The following ANKFN1 variants were observed in gnomAD, a reference collection of about 807,000 sequenced individuals.
ANKFN1 encodes ankyrin repeat and fibronectin type-III domain-containing protein 1.
A neutral mutation model predicts 108.7 loss-of-function variants in ANKFN1; 74 were observed. The observed-to-expected ratio is 0.68, with a 90% CI of 0.56 to 0.83. The LOEUF (loss-of-function observed/expected upper bound fraction) is 0.83, where lower values mean the gene tolerates loss of function less well. Ranked by LOEUF, ANKFN1 falls within the 40% of genes least tolerant of loss-of-function variation. The pLI, the probability that ANKFN1 is intolerant of heterozygous loss-of-function variation, is 0.00. For synonymous variants in ANKFN1, 547 were observed against 516.2 expected (o/e 1.06, Z -0.81); for missense variants, 1,505 against 1,382.3 (o/e 1.09, Z -1.41).
chr17:56,167,591 T>C (rs1413399347), intron 1 of ANKFN1, among the ~76,000 whole-genome samples: 1 of 152,010 alleles, frequency 6.6e-6, no homozygotes, highest in African/African-American at 2.4e-5. Context: ...ACCTTCATTG[T>C]GTATATTCAA....
chr17:56,140,751 A>G (rs1417189344), intron 4 of ANKFN1, among the ~76,000 whole-genome samples: 1 of 152,218 alleles, frequency 6.6e-6, no homozygotes, highest in Non-Finnish European at 1.5e-5. Context: ...TATATAACAC[A>G]TTAAATAAAT....
At chr17:56,381,589 A>G (rs1355645316) in intron 8 of ANKFN1, among the ~76,000 whole-genome samples, 1 of 152,252 alleles carries the variant, frequency 6.6e-6, no homozygotes, top group Non-Finnish European at 1.5e-5. Flanking sequence ...GGAATTGCTT[A>G]AAGGAGCTGA....
chr17:56,090,084 CTG>C (rs925556942), intron 4 of ANKFN1, among the ~76,000 whole-genome samples: 2 of 151,210 alleles, frequency 1.3e-5, no homozygotes, highest in African/African-American at 4.9e-5. Context: ...GAGGGAAGAA[CTG>C]TTGTAGGAAA....
intron 3 of ANKFN1, among the ~76,000 whole-genome samples, chr17:56,247,430 A>C (rs1918037940): frequency 6.6e-6 from 1 of 152,206 alleles, no homozygotes; most frequent in Admixed American, 6.5e-5. Context: ...CCCTAGGTAA[A>C]AACAAACAAA....
intron 6 of ANKFN1, among the ~76,000 whole-genome samples, chr17:56,363,179 G>A (rs1168126464): frequency 6.6e-6 from 1 of 151,896 alleles, no homozygotes; most frequent in Admixed American, 6.6e-5. Flanking sequence ...GGCCGAGATC[G>A]CACCACAGCA....
At chr17:56,396,438 A>G (rs1378287278) in intron 8 of ANKFN1, among the ~76,000 whole-genome samples, 1 of 152,158 alleles carries the variant, frequency 6.6e-6, no homozygotes, top group Non-Finnish European at 1.5e-5. Context: ...ACAGAGCTAG[A>G]CTTCGTCTGC....
At chr17:56,212,130 A>G (rs117215597) in intron 1 of ANKFN1, among the ~76,000 whole-genome samples, 6,266 of 151,568 alleles carry the variant, frequency 0.041, 143 homozygotes, top group Middle Eastern at 0.072. Context: ...TTCTCGGGGG[A>G]ATGCTTTCAA....
intron 1 of ANKFN1, among the ~76,000 whole-genome samples, chr17:56,179,936 A>C (rs950584616): frequency 6.6e-6 from 1 of 152,198 alleles, no homozygotes. Context: ...AAACCAGTAG[A>C]TTGAGCTCAT....
chr17:56,153,362 G>T (rs1908784210), upstream of ANKFN1: 9 of 952,092 alleles, frequency 9.5e-6, no homozygotes, highest in Non-Finnish European at 1.5e-5. Flanking sequence ...CACTCCTGGA[G>T]CCAAGCCGTG....
At chr17:56,390,703 C>T (rs545305516) in intron 8 of ANKFN1, among the ~76,000 whole-genome samples, 1 of 152,280 alleles carries the variant, frequency 6.6e-6, no homozygotes, top group African/African-American at 2.4e-5. Context: ...TCCTCACCAG[C>T]ATCTGTTGTT....
At chr17:56,183,449 G>T (rs1171922832) in intron 1 of ANKFN1, among the ~76,000 whole-genome samples, 1 of 152,146 alleles carries the variant, frequency 6.6e-6, no homozygotes, top group Non-Finnish European at 1.5e-5. Context: ...GGAGGTGATT[G>T]GATCATGCGG....
At chr17:56,350,377 C>T (rs1467202654) in intron 4 of ANKFN1, among the ~76,000 whole-genome samples, 1 of 152,080 alleles carries the variant, frequency 6.6e-6, no homozygotes, top group Non-Finnish European at 1.5e-5. Context: ...GTAGAAAAGT[C>T]CCAATTATAT....
At chr17:56,446,389 A>C in intron 10 of ANKFN1, among the ~76,000 whole-genome samples, 1 of 152,168 alleles carries the variant, frequency 6.6e-6, no homozygotes, top group East Asian at 1.9e-4. Context: ...GGCCTTTGGG[A>C]ATCTATGACA....
chr17:56,340,950 T>C (rs1015488908), intron 4 of ANKFN1, among the ~76,000 whole-genome samples: 7 of 152,188 alleles, frequency 4.6e-5, no homozygotes, highest in African/African-American at 1.4e-4. Flanking sequence ...GGAATGTTTT[T>C]CCATTTGTTT....
In ANKFN1 at chr17:56,124,814, G is replaced by A. The variant is rs369405334; in HGVS notation, c.288+78489G>A. Among the ~76,000 whole-genome samples, 237 of 152,298 alleles carry A rather than the reference G, an allele frequency of 1.6e-3. 2 individuals carry two copies. Among genetic ancestry groups the A allele is most frequent in the African/African-American group, 5.5e-3 (228 of 41,562 alleles). Reference sequence around the variant, plus strand: ...TTGCCATTACCAATCACACCCTCAAGGGGCCAGCCCTTTTCTCCCCATATT... The same window carrying A: ...TTGCCATTACCAATCACACCCTCAAAGGGCCAGCCCTTTTCTCCCCATATT... On this transcript the variant is annotated intron_variant, in intron 4 of 12. Transcript: ENST00000635860.
intron 2 of ANKFN1, among the ~76,000 whole-genome samples, chr17:56,221,819 T>C (rs1051911015): frequency 6.6e-6 from 1 of 152,168 alleles, no homozygotes; most frequent in Non-Finnish European, 1.5e-5. Context: ...GATTCAGCCA[T>C]TGGTGGGCAT....
At chr17:56,047,284 C>G (rs1904695194) in intron 4 of ANKFN1, among the ~76,000 whole-genome samples, 1 of 151,808 alleles carries the variant, frequency 6.6e-6, no homozygotes, top group Admixed American at 6.6e-5. Context: ...TGTTTCTCAG[C>G]ATGTCATGCT....
chr17:56,366,996 G>A (rs981398497), intron 6 of ANKFN1, among the ~76,000 whole-genome samples: 1 of 152,210 alleles, frequency 6.6e-6, no homozygotes, highest in African/African-American at 2.4e-5. Flanking sequence ...GGGTACTAAA[G>A]GGGAGGTAAC....
chr17:56,161,034 G>T (rs1909611261), intron 1 of ANKFN1, among the ~76,000 whole-genome samples: 1 of 152,158 alleles, frequency 6.6e-6, no homozygotes, highest in Non-Finnish European at 1.5e-5. Flanking sequence ...TGATGCCAAA[G>T]GTCAAATAGA....
Sources: gnomAD v4.1 joint callset for allele counts (sites outside exome capture counted in the v4.1 genomes callset) on GRCh38, gnomAD v4.1.1 for gene constraint, MANE v1.5 for transcripts, NCBI Gene and HGNC (gene_info 2026-07-23, HGNC 2026-07-21) for gene names.